The following CDH13 variants were observed in gnomAD, a reference collection of about 807,000 sequenced individuals.
CDH13 encodes the protein cadherin-13.
In CDH13, 24 loss-of-function variants were observed where a neutral mutation model predicts 63.8. The observed-to-expected ratio is 0.38, with a 90% CI of 0.27 to 0.53. The LOEUF is 0.53. Among genes scored for constraint, CDH13 ranks in the 20% least tolerant of loss-of-function variants. The pLI is 0.85. For synonymous variants in CDH13, 503 were observed against 355.3 expected (o/e 1.42, Z -4.67); for missense variants, 1,049 against 903.1 (o/e 1.16, Z -2.07).
chr16:83,040,116 C>T (rs1283390386), intron 3 of CDH13, among the ~76,000 whole-genome samples: 1 of 151,892 alleles, frequency 6.6e-6, no homozygotes, highest in Non-Finnish European at 1.5e-5. Context: ...TGGGGCCAGA[C>T]CACCTTGGCA....
intron 4 of CDH13, among the ~76,000 whole-genome samples, chr16:83,216,662 G>T (rs1308108526): frequency 1.4e-5 from 2 of 141,648 alleles, no homozygotes; most frequent in African/African-American, 2.6e-5. Flanking sequence ...CATATTTAGG[G>T]GTTTCACATA....
At chr16:83,397,864 A>T (rs1417723423) in intron 6 of CDH13, 1 of 152,220 alleles carries the variant, frequency 6.6e-6, no homozygotes, top group Non-Finnish European at 1.5e-5. Flanking sequence ...AACATTTGTT[A>T]TAAATGAAGA....
chr16:82,929,332 C>T (rs746848883), intron 2 of CDH13, among the ~76,000 whole-genome samples: 3 of 151,864 alleles, frequency 2.0e-5, no homozygotes, highest in East Asian at 3.9e-4. Context: ...CCAGTGAACT[C>T]GCTCGTCCTT....
At chr16:82,790,189 C>G (rs1028318289) in intron 1 of CDH13, among the ~76,000 whole-genome samples, 2 of 152,120 alleles carry the variant, frequency 1.3e-5, no homozygotes, top group Non-Finnish European at 2.9e-5. Context: ...ATAATCCCAG[C>G]CCTTTGGGAG....
intron 7 of CDH13, among the ~76,000 whole-genome samples, chr16:83,574,238 G>A (rs1053331503): frequency 2.6e-5 from 4 of 152,180 alleles, no homozygotes; most frequent in African/African-American, 9.7e-5. Flanking sequence ...TTGTCTCAGT[G>A]TACACCCCTG....
intron 5 of CDH13, among the ~76,000 whole-genome samples, chr16:83,320,163 A>G (rs1312634116): frequency 1.3e-5 from 2 of 151,354 alleles, no homozygotes; most frequent in African/African-American, 4.9e-5. Context: ...TCTCAACCTC[A>G]CGAGTAGCTA....
chr16:82,664,835 A>C (rs1026464455), intron 1 of CDH13, among the ~76,000 whole-genome samples: 1 of 152,242 alleles, frequency 6.6e-6, no homozygotes, highest in East Asian at 1.9e-4. Context: ...TATTTGATAC[A>C]GATATTGGTT....
At chr16:83,245,703 T>G (rs1463537295) in intron 5 of CDH13, among the ~76,000 whole-genome samples, 1 of 152,246 alleles carries the variant, frequency 6.6e-6, no homozygotes, top group African/African-American at 2.4e-5. Flanking sequence ...GTTTTCAGCA[T>G]GTTAAAGACT....
chr16:83,643,901 C>T (rs924947790), intron 8 of CDH13, among the ~76,000 whole-genome samples: 7 of 152,210 alleles, frequency 4.6e-5, no homozygotes, highest in Non-Finnish European at 1.0e-4. Flanking sequence ...TTACGTACTA[C>T]CCAGCTCTTC....
intron 3 of CDH13, among the ~76,000 whole-genome samples, chr16:83,042,316 G>C (rs564656959): frequency 2.0e-5 from 3 of 152,306 alleles, no homozygotes; most frequent in East Asian, 3.9e-4. Context: ...CCTGCTGTCA[G>C]ATCAGTAGCA....
At chr16:82,865,551 G>T (rs187069397) in intron 2 of CDH13, among the ~76,000 whole-genome samples, 1 of 152,186 alleles carries the variant, frequency 6.6e-6, no homozygotes, top group Non-Finnish European at 1.5e-5. Context: ...TTTTAGCCAT[G>T]GCCAAAATGC....
At chr16:82,826,273 C>G (rs773282263) in intron 1 of CDH13, 2 of 152,196 alleles carry the variant, frequency 1.3e-5, no homozygotes, top group Non-Finnish European at 2.9e-5. Flanking sequence ...GGGTTGCTTT[C>G]TCATGAAGTT....
chr16:83,599,518 T>A (rs1907581988), intron 7 of CDH13, among the ~76,000 whole-genome samples: 2 of 152,182 alleles, frequency 1.3e-5, no homozygotes, highest in South Asian at 2.1e-4. Context: ...ACCAAAAAAA[T>A]TTTTAAAAAG....
chr16:83,370,904 A>C (rs2091354999), intron 6 of CDH13, among the ~76,000 whole-genome samples: 1 of 152,166 alleles, frequency 6.6e-6, no homozygotes, highest in African/African-American at 2.4e-5. Flanking sequence ...CCCTGTCTTT[A>C]CTACTGTGAA....
At chr16:83,002,411 G>A (rs1913033744) in intron 2 of CDH13, among the ~76,000 whole-genome samples, 1 of 152,196 alleles carries the variant, frequency 6.6e-6, no homozygotes, top group Admixed American at 6.5e-5. Context: ...TAGAACCTAT[G>A]GAGGAAGTGT....
At chr16:82,663,309 C>T (rs1218183731) in intron 1 of CDH13, among the ~76,000 whole-genome samples, 1 of 152,186 alleles carries the variant, frequency 6.6e-6, no homozygotes, top group Non-Finnish European at 1.5e-5. Flanking sequence ...GCCTCAGCCT[C>T]TGGAGTAGCT....
chr16:82,657,534 G>A (rs145860867), intron 1 of CDH13, among the ~76,000 whole-genome samples: 27 of 152,248 alleles, frequency 1.8e-4, no homozygotes, highest in Middle Eastern at 3.4e-3. Flanking sequence ...ATTATTTTTG[G>A]AATTTTTCTA....
At chr16:82,994,054 C>T (rs547065318) in intron 2 of CDH13, among the ~76,000 whole-genome samples, 6 of 152,142 alleles carry the variant, frequency 3.9e-5, no homozygotes. Context: ...TGGTGCTGGT[C>T]TCAGGGGAAG....
intron 6 of CDH13, among the ~76,000 whole-genome samples, chr16:83,451,084 G>A (rs534555665): frequency 3.5e-4 from 53 of 152,268 alleles, no homozygotes; most frequent in African/African-American, 1.3e-3. Flanking sequence ...ACCACACTTG[G>A]AGAAACACCT....
Sources: gnomAD v4.1 joint callset for allele counts (sites outside exome capture counted in the v4.1 genomes callset) on GRCh38, gnomAD v4.1.1 for gene constraint, MANE v1.5 for transcripts, NCBI Gene and HGNC (gene_info 2026-07-23, HGNC 2026-07-21) for gene names.